Variants in PCMTD1 observed in about 807,000 individuals in gnomAD.
PCMTD1 encodes the protein protein-L-isoaspartate O-methyltransferase domain-containing protein 1.
PCMTD1 carries 12 observed loss-of-function variants against 37.6 expected under a neutral mutation model. That is an observed-to-expected ratio of 0.32 (90% CI 0.20 to 0.52). The LOEUF (loss-of-function observed/expected upper bound fraction) is 0.52, where lower values mean the gene tolerates loss of function less well. PCMTD1 is among the 20% of genes least tolerant of loss of function. PCMTD1 has a pLI of 0.97. For synonymous variants in PCMTD1, 117 were observed against 135.8 expected, an observed-to-expected ratio of 0.86 and a Z score of 0.96; for missense variants, 235 against 421.3, an observed-to-expected ratio of 0.56 and a Z score of 3.87.
At chr8:51,869,849 T>C (rs2129289313) in intron 1 of PCMTD1, among the ~76,000 whole-genome samples, 1 of 152,314 alleles carries the variant, frequency 6.6e-6, no homozygotes, top group Non-Finnish European at 1.5e-5. Flanking sequence ...TGCTGTGTGT[T>C]AGGTAAGGGC....
In PCMTD1 at chr8:51,831,334, C is replaced by T. The variant is rs965200388; in HGVS notation, c.706+110G>A. ...AAAGTTGAATAAATCCACCAAATAT[C>T]TTACTGCATAAGTATTTAATTCTTC... On this transcript the variant is annotated intron_variant, in intron 5 of 5. Coordinates refer to ENST00000522514, the MANE Select transcript of PCMTD1 (RefSeq NM_052937.4). 6 of 1,061,044 alleles carry T rather than the reference C, an allele frequency of 5.7e-6. No individual in the cohort carries two copies. The African/African-American group carries it at 6.7e-5, about 12-fold the overall frequency. The allele number at this position is 1,061,044 out of a possible 1,614,324, so 65.7% of individuals were successfully genotyped here.
intron 3 of PCMTD1, among the ~76,000 whole-genome samples, chr8:51,835,020 A>G (rs565171564): frequency 5.1e-4 from 78 of 152,264 alleles, no homozygotes; most frequent in African/African-American, 1.6e-3. Flanking sequence ...AATGCGCAGG[A>G]TAAGTTCAAG....
intron 1 of PCMTD1, among the ~76,000 whole-genome samples, chr8:51,870,758 C>T (rs1241368762): frequency 2.6e-5 from 4 of 152,216 alleles, no homozygotes; most frequent in South Asian, 2.1e-4. Context: ...TAATTCAAAA[C>T]TAAACTTTTC....
At chr8:51,831,607 T>C (rs1411515292) in intron 4 of PCMTD1, 40 bp from the exon 5 acceptor site, 1 of 1,585,208 alleles carries the variant, frequency 6.3e-7, no homozygotes, top group Admixed American at 1.7e-5. Context: ...AACAACTTAA[T>C]CCCAACAATG....
chr8:51,845,013 T>C (rs752144428), intron 3 of PCMTD1: 1 of 152,212 alleles, frequency 6.6e-6, no homozygotes, highest in Non-Finnish European at 1.5e-5. Context: ...TTCAAAGAGC[T>C]CATGGATTTC....
chr8:51,820,845 C>CTA (rs1162435849), intron 5 of PCMTD1, 127 bp from the exon 6 acceptor site: 1 of 1,114,286 alleles, frequency 9.0e-7, no homozygotes, highest in Non-Finnish European at 1.2e-6. Flanking sequence ...TATGAAAACT[C>CTA]TACCTTTCAT....
intron 1 of PCMTD1, among the ~76,000 whole-genome samples, chr8:51,879,762 G>A (rs1360013099): frequency 1.3e-5 from 2 of 152,142 alleles, no homozygotes; most frequent in Non-Finnish European, 2.9e-5. Context: ...ATTCTATCTG[G>A]CAAAGCACAC....
intron 1 of PCMTD1, among the ~76,000 whole-genome samples, chr8:51,882,203 G>A (rs933564897): frequency 6.6e-6 from 1 of 152,150 alleles, no homozygotes; most frequent in African/African-American, 2.4e-5. Context: ...CTTGCCGATG[G>A]TCACCATCTT....
At position 51,835,225 on chromosome 8, in the gene PCMTD1, A is replaced by G. The variant is rs534063965; in HGVS notation, c.411-1536T>C. 1.6e-4 allele frequency among the ~76,000 whole-genome samples: 25 copies of G among 152,296 alleles called. No individual in the cohort carries two copies. In the South Asian group the frequency reaches 5.2e-3, roughly 32 times the overall value. The stretch of plus-strand genomic sequence containing the variant: ...TGTGTATGTGCTGTTCCCTTAACTT[A>G]AAATATCCTTCCCCTCTCCTTCTAC... On this transcript the variant is annotated intron_variant, in intron 3 of 5. Coordinates refer to ENST00000522514, the MANE Select transcript of PCMTD1 (RefSeq NM_052937.4).
At chr8:51,845,328 T>C (rs1005553538) in intron 3 of PCMTD1, 2 of 215,206 alleles carry the variant, frequency 9.3e-6, no homozygotes, top group African/African-American at 4.6e-5. Flanking sequence ...ACTAAATTAC[T>C]ATCCAAAAGG....
At chr8:51,846,840 A>C (rs975371886) in intron 2 of PCMTD1, among the ~76,000 whole-genome samples, 1 of 152,230 alleles carries the variant, frequency 6.6e-6, no homozygotes, top group African/African-American at 2.4e-5. Context: ...AATTTAACCA[A>C]AATGTTCAGA....
intron 1 of PCMTD1, among the ~76,000 whole-genome samples, chr8:51,874,778 A>G (rs970474700): frequency 3.9e-5 from 6 of 152,240 alleles, no homozygotes; most frequent in Non-Finnish European, 7.3e-5. Flanking sequence ...TGTCTTATAC[A>G]AAAAGATTTC....
At chr8:51,875,372 T>C (rs979507403) in intron 1 of PCMTD1, among the ~76,000 whole-genome samples, 4 of 152,160 alleles carry the variant, frequency 2.6e-5, no homozygotes, top group Non-Finnish European at 5.9e-5. Flanking sequence ...GTAAGTATTA[T>C]CTAGACTAAA....
intron 5 of PCMTD1, among the ~76,000 whole-genome samples, chr8:51,828,798 GT>G (rs2129274773): frequency 6.6e-6 from 1 of 152,298 alleles, no homozygotes; most frequent in South Asian, 2.1e-4. Context: ...ACTGATTCTG[GT>G]GCTAGAAAGA....
chr8:51,884,397 T>G (rs1323863675), intron 1 of PCMTD1, among the ~76,000 whole-genome samples: 1 of 152,098 alleles, frequency 6.6e-6, no homozygotes, highest in Non-Finnish European at 1.5e-5. Context: ...GGCCTCTAAG[T>G]CAAAAGGAAT....
chr8:51,851,929 C>T (rs2038314205), intron 2 of PCMTD1, among the ~76,000 whole-genome samples: 1 of 152,186 alleles, frequency 6.6e-6, no homozygotes, highest in African/African-American at 2.4e-5. Context: ...GGATTACAGG[C>T]ATGAGACACC....
At chr8:51,879,380 A>G (rs911049333) in intron 1 of PCMTD1, among the ~76,000 whole-genome samples, 1 of 152,230 alleles carries the variant, frequency 6.6e-6, no homozygotes, top group Non-Finnish European at 1.5e-5. Flanking sequence ...GGAACAAACT[A>G]TAACAAATCA....
chr8:51,834,497 T>G (rs997793349), intron 3 of PCMTD1, among the ~76,000 whole-genome samples: 2 of 152,182 alleles, frequency 1.3e-5, no homozygotes, highest in Non-Finnish European at 2.9e-5. Flanking sequence ...ATAAACGTAA[T>G]TAAAACCCCA....
chr8:51,820,411 G>T lies in PCMTD1; in HGVS notation c.1014C>A (p.Ile338=). The T allele has an allele frequency of 1.9e-6, 3 of 1,610,954 alleles. No individual in the cohort carries two copies. Among genetic ancestry groups the T allele is most frequent in the Non-Finnish European group, 2.5e-6 (3 of 1,179,052 alleles). ...AAGATTCAGGGAGGGGCAGCTTCAT[G>T]ATTTTTTCTCTCAGTAAATTTTGAG... ...EPPQNLLREK[I]MKLPLPESLK... Residue 338 remains isoleucine (I), a synonymous_variant, in exon 6 of 6, where the codon ATC becomes ATA. Transcript: ENST00000522514.
Sources: allele counts gnomAD v4.1 joint callset (sites outside exome capture counted in the v4.1 genomes callset), GRCh38; gene constraint gnomAD v4.1.1; transcripts MANE v1.5; gene names NCBI Gene and HGNC (gene_info 2026-07-23, HGNC 2026-07-21).